LRRTM4: variants seen among roughly 807,000 people sequenced by gnomAD.
The protein encoded by LRRTM4 is leucine-rich repeat transmembrane neuronal protein 4.
Under a neutral mutation model 47.6 loss-of-function variants are expected in LRRTM4, and 25 were observed. The ratio of observed to expected loss-of-function variants is 0.53; its 90% CI spans 0.38 to 0.73. LRRTM4 has a LOEUF of 0.73. LRRTM4 is among the 30% of genes least tolerant of loss of function. The pLI is 0.00. For synonymous variants in LRRTM4, 311 were observed against 269.5 expected (o/e 1.15, Z -1.51); for missense variants, 638 against 713.4 (o/e 0.89, Z 1.20).
intron 3 of LRRTM4, among the ~76,000 whole-genome samples, chr2:76,765,972 G>A (rs1002760730): frequency 3.3e-5 from 5 of 152,140 alleles, no homozygotes; most frequent in African/African-American, 7.2e-5. Flanking sequence ...GTGAAATTCT[G>A]CAATTTAATA....
chr2:76,812,549 A>G (rs142601323), intron 3 of LRRTM4, among the ~76,000 whole-genome samples: 4 of 152,266 alleles, frequency 2.6e-5, no homozygotes, highest in African/African-American at 9.6e-5. Context: ...TAGGCTCAGC[A>G]TGGGTTTGAT....
intron 3 of LRRTM4, among the ~76,000 whole-genome samples, chr2:77,456,885 T>C (rs1676566517): frequency 6.7e-6 from 1 of 149,888 alleles, no homozygotes; most frequent in Non-Finnish European, 1.5e-5. Flanking sequence ...ACTCTACATT[T>C]CTTTGATTAC....
At chr2:77,121,118 T>A (rs927838448) in intron 3 of LRRTM4, among the ~76,000 whole-genome samples, 1 of 151,728 alleles carries the variant, frequency 6.6e-6, no homozygotes, top group African/African-American at 2.4e-5. Flanking sequence ...AAAGAATTAG[T>A]TTTTTGGGGG....
At chr2:76,766,466 G>A (rs980611551) in intron 3 of LRRTM4, among the ~76,000 whole-genome samples, 1 of 152,146 alleles carries the variant, frequency 6.6e-6, no homozygotes, top group African/African-American at 2.4e-5. Context: ...ATTAATCCAT[G>A]TCTTTGGATT....
chr2:77,119,285 A>G (rs903564471), intron 3 of LRRTM4, among the ~76,000 whole-genome samples: 15 of 151,822 alleles, frequency 9.9e-5, no homozygotes, highest in African/African-American at 3.6e-4. Context: ...TTTGTCATGC[A>G]CAGACACTGC....
intron 3 of LRRTM4, among the ~76,000 whole-genome samples, chr2:77,219,769 G>T (rs1674566059): frequency 6.6e-6 from 1 of 152,004 alleles, no homozygotes; most frequent in African/African-American, 2.4e-5. Context: ...AGCTAATGTT[G>T]ACCTCTGGGG....
intron 3 of LRRTM4, among the ~76,000 whole-genome samples, chr2:77,447,683 T>C (rs984658833): frequency 1.3e-5 from 2 of 152,180 alleles, no homozygotes; most frequent in South Asian, 4.1e-4. Context: ...TTGATGTTTG[T>C]CTTTTAATAT....
chr2:77,190,266 G>A (rs1331816634), intron 3 of LRRTM4, among the ~76,000 whole-genome samples: 1 of 148,376 alleles, frequency 6.7e-6, no homozygotes, highest in Non-Finnish European at 1.5e-5. Context: ...TGCATCCCAG[G>A]TTGTTCTAAA....
At chr2:76,976,148 C>A (rs951717291) in intron 3 of LRRTM4, among the ~76,000 whole-genome samples, 2 of 151,638 alleles carry the variant, frequency 1.3e-5, no homozygotes, top group Non-Finnish European at 3.0e-5. Context: ...CTCTGTAATC[C>A]TTTCCTTTAA....
At chr2:77,254,171 G>T (rs138753710) in intron 3 of LRRTM4, among the ~76,000 whole-genome samples, 180 of 151,926 alleles carry the variant, frequency 1.2e-3, no homozygotes, top group African/African-American at 4.0e-3. Flanking sequence ...GAGAGAAATG[G>T]TACCTTACCT....
At chr2:77,347,587 G>A (rs74518195) in intron 3 of LRRTM4, among the ~76,000 whole-genome samples, 11,148 of 151,974 alleles carry the variant, frequency 0.073, 585 homozygotes, top group East Asian at 0.17. Flanking sequence ...GATTAGTTGT[G>A]TTTTTTAAAT....
chr2:76,835,483 A>C (rs1051832133), intron 3 of LRRTM4, among the ~76,000 whole-genome samples: 2 of 152,154 alleles, frequency 1.3e-5, no homozygotes, highest in African/African-American at 4.8e-5. Flanking sequence ...ATTTAGAGAA[A>C]GGAAGAGAAC....
intron 3 of LRRTM4, among the ~76,000 whole-genome samples, chr2:76,783,894 TATAAAATACTCATA>T (rs1674528812): frequency 6.6e-6 from 1 of 152,180 alleles, no homozygotes; most frequent in African/African-American, 2.4e-5. Context: ...GATTTGACAG[TATAAAATACTCATA>T]ATAAAACTGC....
chr2:77,080,743 T>C (rs1328467753), intron 3 of LRRTM4, among the ~76,000 whole-genome samples: 1 of 152,210 alleles, frequency 6.6e-6, no homozygotes, highest in Admixed American at 6.5e-5. Flanking sequence ...ACACCTTTTA[T>C]TAGGAATGCA....
chr2:77,333,931 C>T (rs528555702), intron 3 of LRRTM4, among the ~76,000 whole-genome samples: 1 of 152,194 alleles, frequency 6.6e-6, no homozygotes, highest in African/African-American at 2.4e-5. Context: ...GGCAGAGCTG[C>T]CTAAGACCAT....
intron 3 of LRRTM4, among the ~76,000 whole-genome samples, chr2:76,876,558 G>A (rs763679997): frequency 1.6e-4 from 24 of 152,068 alleles, no homozygotes; most frequent in Non-Finnish European, 2.5e-4. Flanking sequence ...AACATATGAT[G>A]TCTACGAGTT....
intron 3 of LRRTM4, among the ~76,000 whole-genome samples, chr2:76,947,807 G>A (rs1167221366): frequency 6.6e-6 from 1 of 151,784 alleles, no homozygotes; most frequent in Non-Finnish European, 1.5e-5. Flanking sequence ...CATTGAAAGT[G>A]TGTGTTTCAT....
intron 3 of LRRTM4, among the ~76,000 whole-genome samples, chr2:77,280,715 T>C (rs991435574): frequency 6.6e-6 from 1 of 152,042 alleles, no homozygotes. Context: ...TAAGATTTCA[T>C]AGACTATGAG....
At chr2:76,848,679 T>C (rs1671904404) in intron 3 of LRRTM4, among the ~76,000 whole-genome samples, 1 of 152,132 alleles carries the variant, frequency 6.6e-6, no homozygotes. Context: ...CTGTATATAA[T>C]TTATAACAAG....
Sources: allele counts gnomAD v4.1 joint callset (sites outside exome capture counted in the v4.1 genomes callset), GRCh38; gene constraint gnomAD v4.1.1; transcripts MANE v1.5; gene names NCBI Gene and HGNC (gene_info 2026-07-23, HGNC 2026-07-21).